The following RTN1 variants were observed in gnomAD, a reference collection of about 807,000 sequenced individuals.
RTN1 encodes reticulon 1, also known as reticulon-1.
RTN1 carries 25 observed loss-of-function variants against 65.5 expected under a neutral mutation model. The observed-to-expected ratio is 0.38, with a 90% confidence interval of 0.28 to 0.53. The LOEUF is 0.53. RTN1 is among the 20% of genes least tolerant of loss of function. The pLI is 0.79. For synonymous variants in RTN1, 471 were observed against 447.6 expected, an observed-to-expected ratio of 1.05 and a Z score of -0.66; for missense variants, 983 against 1,025.4, an observed-to-expected ratio of 0.96 and a Z score of 0.57.
In RTN1 at chr14:59,688,446, T is replaced by C. The variant is rs373156570; in HGVS notation, c.1765+38473A>G. The stretch of plus-strand genomic sequence containing the variant: ...ATGCCATCAGAGGGCCTGTAAAGCC[T>C]GCCTAGTCCAACCCCACCCATTTGC... On this transcript the variant is annotated intron_variant, in intron 3 of 8. Transcript: ENST00000267484. 3.9e-5 allele frequency among the ~76,000 whole-genome samples: 6 copies of C among 152,326 alleles called. No homozygotes were observed. In the East Asian group the frequency reaches 7.7e-4, roughly 20 times the overall value.
intron 6 of RTN1, among the ~76,000 whole-genome samples, chr14:59,603,585 G>T (rs966200273): frequency 6.6e-5 from 10 of 151,390 alleles, no homozygotes; most frequent in African/African-American, 2.4e-4. Context: ...TATATATATT[G>T]ATCCAAATAT....
intron 3 of RTN1, among the ~76,000 whole-genome samples, chr14:59,610,720 A>G (rs747532149): frequency 1.8e-4 from 28 of 152,236 alleles, no homozygotes; most frequent in Admixed American, 5.2e-4. Flanking sequence ...CCTGGGGACT[A>G]GATTGCCTTT....
chr14:59,771,356 T>C (rs1885955343), intron 1 of RTN1, among the ~76,000 whole-genome samples: 1 of 152,184 alleles, frequency 6.6e-6, no homozygotes, highest in Non-Finnish European at 1.5e-5. Flanking sequence ...GGTAAACCCA[T>C]AAGTCTGAAC....
chr14:59,739,394 A>T (rs2139497900), intron 2 of RTN1, among the ~76,000 whole-genome samples: 1 of 152,226 alleles, frequency 6.6e-6, no homozygotes, highest in Non-Finnish European at 1.5e-5. Flanking sequence ...TACAAAAATC[A>T]GCCAGGCATG....
chr14:59,823,423 T>C (rs1261386610), intron 1 of RTN1, among the ~76,000 whole-genome samples: 1 of 152,152 alleles, frequency 6.6e-6, no homozygotes, highest in Non-Finnish European at 1.5e-5. Flanking sequence ...TGTGTTTTTG[T>C]GGTGGTAGAT....
intron 3 of RTN1, among the ~76,000 whole-genome samples, chr14:59,619,221 G>A (rs1171609023): frequency 2.6e-5 from 4 of 152,190 alleles, no homozygotes; most frequent in Non-Finnish European, 5.9e-5. Context: ...CTGGGTGACT[G>A]AGTAATTAGT....
At chr14:59,612,404 A>G (rs1249073385) in intron 3 of RTN1, among the ~76,000 whole-genome samples, 1 of 152,130 alleles carries the variant, frequency 6.6e-6, no homozygotes, top group Non-Finnish European at 1.5e-5. Flanking sequence ...TTACCAGCCA[A>G]GTTTCTGGTC....
rs184163243 is a variant in RTN1 at position 59,670,849 on chromosome 14, G to C, written c.1765+56070C>G. On this transcript the variant is annotated intron_variant, in intron 3 of 8. Transcript: ENST00000267484. ...TTGAGCCATTTCAGAAGGTATCCTT[G>C]GACTCCTTCTATAACAGCAACATGG... is the stretch of plus-strand genomic sequence containing the variant. Among the ~76,000 whole-genome samples, 294 of 152,234 alleles carry C rather than the reference G, an allele frequency of 1.9e-3. 2 individuals carry two copies. The Middle Eastern group carries it at 0.024, about 12-fold the overall frequency.
intron 1 of RTN1, among the ~76,000 whole-genome samples, chr14:59,864,625 A>G (rs1197852351): frequency 6.6e-6 from 1 of 152,104 alleles, no homozygotes; most frequent in Admixed American, 6.6e-5. Flanking sequence ...CAGTGCTTAG[A>G]CAAAGCCTGA....
chr14:59,739,734 G>C (rs886099681), intron 2 of RTN1, among the ~76,000 whole-genome samples: 1 of 152,104 alleles, frequency 6.6e-6, no homozygotes, highest in African/African-American at 2.4e-5. Flanking sequence ...GAGAAAAAGA[G>C]GGGTTTCAAA....
intron 5 of RTN1, 59 bp from the exon 6 acceptor site, chr14:59,603,980 A>C: frequency 1.1e-5 from 15 of 1,341,710 alleles, no homozygotes; most frequent in Non-Finnish European, 1.4e-5. Context: ...TTAGAGTCTC[A>C]TATCATTGAC....
rs114200511 is a variant in RTN1, at chr14:59,719,184, A to G, written c.1765+7735T>C. Among the ~76,000 whole-genome samples, 966 of 152,340 alleles carry G rather than the reference A, an allele frequency of 6.3e-3. 7 individuals carry two copies. Among genetic ancestry groups the G allele is most frequent in the African/African-American group, 0.022 (918 of 41,574 alleles). On this transcript the variant is annotated intron_variant, in intron 3 of 8. Coordinates refer to ENST00000267484, the MANE Select transcript of RTN1 (RefSeq NM_021136.3). ...CCAAGCTCAGCACCATGATGTGTGC[A>G]TGGAAGGGCACTGCCAATCTTCCAC...
At chr14:59,750,944 C>T (rs1200686461) in intron 1 of RTN1, among the ~76,000 whole-genome samples, 1 of 150,528 alleles carries the variant, frequency 6.6e-6, no homozygotes, top group African/African-American at 2.4e-5. Context: ...TCTTGAACTC[C>T]TGGGCTCAAA....
intron 1 of RTN1, among the ~76,000 whole-genome samples, chr14:59,785,230 C>T (rs1320631310): frequency 6.6e-6 from 1 of 152,320 alleles, no homozygotes; most frequent in East Asian, 1.9e-4. Flanking sequence ...TCCCAAAATA[C>T]TGTGTCTTCC....
chr14:59,802,323 G>T (rs1340587958), intron 1 of RTN1, among the ~76,000 whole-genome samples: 1 of 152,178 alleles, frequency 6.6e-6, no homozygotes, highest in Non-Finnish European at 1.5e-5. Context: ...AGAATTTCAG[G>T]TTAAGCCAAA....
At chr14:59,715,092 T>C (rs1324820833) in intron 3 of RTN1, among the ~76,000 whole-genome samples, 1 of 152,192 alleles carries the variant, frequency 6.6e-6, no homozygotes, top group African/African-American at 2.4e-5. Flanking sequence ...CCATGAAACT[T>C]GTCCCTGGTA....
At position 59,794,137 on chromosome 14, in the gene RTN1, C is replaced by T. The variant is rs1256432988; in HGVS notation, c.242-47656G>A. 2.6e-5 allele frequency among the ~76,000 whole-genome samples: 4 copies of T among 152,094 alleles called. No homozygotes were observed. Among genetic ancestry groups the T allele is most frequent in the African/African-American group, 7.2e-5 (3 of 41,426 alleles). On this transcript the variant is annotated intron_variant, in intron 1 of 8. Coordinates refer to ENST00000267484, the MANE Select transcript of RTN1 (RefSeq NM_021136.3). The surrounding 1 kb of genome is among the most constrained non-coding windows in gnomAD (Gnocchi z 5.1). ...ATCTCCTTTACCACAATTACTAATA[C>T]CCCAAAGATAAGTCAGTAAGTGTAT...
Position 59,603,853 on chromosome 14 carries a change from C to G in RTN1, c.2181G>C (p.Met727Ile). ...GTATACAGTCTTATCTGCTCTTACC[C>G]ATGAGCAGCAGGGTCAGGCCATTGA... ...ALFNGLTLLLMAVVSMFTLPV... is the reference protein window; with the variant it reads ...ALFNGLTLLLIAVVSMFTLPV... Residue 727 changes from methionine (M) to isoleucine (I), a missense_variant and splice_region_variant, in exon 6 of 9, where the codon ATG becomes ATC. Around this residue, in one of 2 missense-constraint regions of RTN1, gnomAD observed 165 missense variants for 223.6 expected, o/e 0.74. Transcript: ENST00000267484. 6.2e-7 allele frequency: 1 copy of G among 1,610,084 alleles called. No individual in the cohort carries two copies. The highest frequency in any genetic ancestry group is 8.5e-7 in the Non-Finnish European group (1 of 1,176,950).
chr14:59,739,473 T>G (rs1018733367), intron 2 of RTN1, among the ~76,000 whole-genome samples: 13 of 149,246 alleles, frequency 8.7e-5, no homozygotes, highest in Admixed American at 2.0e-4. Context: ...CCCGGGAGGC[T>G]GAGGTTGCAG....
Sources: gnomAD v4.1 joint callset for allele counts (sites outside exome capture counted in the v4.1 genomes callset) on GRCh38, gnomAD v4.1.1 for gene constraint, gnomAD v4.1.1 regional missense constraint, Gnocchi (gnomAD v3.1) non-coding constraint, MANE v1.5 for transcripts, NCBI Gene and HGNC (gene_info 2026-07-23, HGNC 2026-07-21) for gene names.